The following ORC2 variants were observed in gnomAD, a reference collection of about 807,000 sequenced individuals.
The protein encoded by ORC2 is origin recognition complex protein 2 homolog.
In ORC2, 37 loss-of-function variants were observed where a neutral mutation model predicts 77.7. The ratio of observed to expected loss-of-function variants is 0.48; its 90% CI spans 0.37 to 0.63. ORC2 has a LOEUF of 0.63. Ranked by LOEUF, ORC2 falls within the 20% of genes least tolerant of loss-of-function variation. The pLI is 0.00. For synonymous variants in ORC2, 201 were observed against 229.5 expected (o/e 0.88, Z 1.12); for missense variants, 557 against 661.9 (o/e 0.84, Z 1.74).
chr2:200,952,298 C>T (rs539297521), intron 4 of ORC2, among the ~76,000 whole-genome samples: 3 of 152,048 alleles, frequency 2.0e-5, no homozygotes, highest in African/African-American at 7.2e-5. Context: ...CTCACTCTGT[C>T]GCCCAGGCTG....
chr2:200,943,765 C>T (rs894064163), intron 5 of ORC2, among the ~76,000 whole-genome samples: 4 of 151,890 alleles, frequency 2.6e-5, no homozygotes, highest in Non-Finnish European at 5.9e-5. Context: ...GCTTCTTCTT[C>T]CTTAATCCCT....
intron 5 of ORC2, among the ~76,000 whole-genome samples, chr2:200,948,753 G>A (rs547691439): frequency 1.9e-4 from 29 of 151,860 alleles, no homozygotes; most frequent in Non-Finnish European, 3.7e-4. Context: ...TAGTAGAGAC[G>A]GGGTTTTACC....
chr2:200,915,385 A>G (rs916906117), intron 15 of ORC2, among the ~76,000 whole-genome samples: 2 of 152,158 alleles, frequency 1.3e-5, no homozygotes, highest in African/African-American at 4.8e-5. Context: ...CATGTACCAT[A>G]AACTTACCAT....
chr2:200,941,848 A>C (rs1289266924), intron 6 of ORC2, among the ~76,000 whole-genome samples: 7 of 152,220 alleles, frequency 4.6e-5, no homozygotes, highest in Admixed American at 3.3e-4. Flanking sequence ...TTAGCTGGGC[A>C]TGTTGGCAGG....
At chr2:200,962,948 C>A (rs1279904299) in intron 1 of ORC2, 1 of 152,504 alleles carries the variant, frequency 6.6e-6, no homozygotes, top group Non-Finnish European at 1.5e-5. Context: ...CCAAGGTGAC[C>A]GATCAGTTAG....
At chr2:200,927,906 T>C (rs16824550) in intron 11 of ORC2, among the ~76,000 whole-genome samples, 4,665 of 151,318 alleles carry the variant, frequency 0.031, 257 homozygotes, top group African/African-American at 0.11. Context: ...CATGTTGGTC[T>C]TGAACTCTTG....
At chr2:200,915,984 C>G (rs971056708) in intron 15 of ORC2, among the ~76,000 whole-genome samples, 1 of 152,122 alleles carries the variant, frequency 6.6e-6, no homozygotes, top group Non-Finnish European at 1.5e-5. Flanking sequence ...AGTGAGCCAC[C>G]GCATCCGGCC....
intron 15 of ORC2, among the ~76,000 whole-genome samples, chr2:200,917,902 TA>T (rs756570870): frequency 4.6e-3 from 655 of 143,798 alleles, no homozygotes; most frequent in Admixed American, 4.9e-3. Context: ...TAGGGGGGGT[TA>T]AAAAAAAAAA....
intron 1 of ORC2, chr2:200,963,149 G>T (rs544270838): frequency 1.4e-5 from 4 of 286,874 alleles, no homozygotes; most frequent in African/African-American, 4.3e-5. Context: ...AGTATCAGGC[G>T]TCCCTTGCAC....
intron 4 of ORC2, among the ~76,000 whole-genome samples, chr2:200,951,855 TGAGA>T (rs1194869993): frequency 6.6e-6 from 1 of 152,242 alleles, no homozygotes; most frequent in Non-Finnish European, 1.5e-5. Context: ...CTCACTTTCT[TGAGA>T]AACAATGAAT....
chr2:200,923,505 C>T (rs983832438), intron 13 of ORC2, among the ~76,000 whole-genome samples: 6 of 152,164 alleles, frequency 3.9e-5, no homozygotes, highest in African/African-American at 7.2e-5. Context: ...CTGCCTCGGC[C>T]TCCCAAAGTG....
chr2:200,932,050 AT>A (rs1382657821), intron 10 of ORC2, among the ~76,000 whole-genome samples: 1 of 152,170 alleles, frequency 6.6e-6, no homozygotes, highest in Non-Finnish European at 1.5e-5. Flanking sequence ...GTAAAATATT[AT>A]TTAAATACTG....
rs747191370 is a variant in ORC2 at position 200,935,808 on chromosome 2, T to C, written c.599A>G (p.Glu200Gly). The stretch of plus-strand genomic sequence containing the variant: ...GCTGAATATGACTGCATTAGTGTCC[T>C]CTTCATGTTCCTGTGCAACCCCTTC... Reference protein sequence around the residue: ...DDEGVAQEHEEDTNAVIFSQK... With the variant: ...DDEGVAQEHEGDTNAVIFSQK... Residue 200 changes from glutamate to glycine, a missense_variant, in exon 9 of 18, where the codon GAG becomes GGG. By Grantham distance (98) the Glu-to-Gly change is moderately conservative. Transcript: ENST00000234296. 3 of 1,614,020 alleles carry C rather than the reference T, an allele frequency of 1.9e-6. No homozygotes were observed. In the African/African-American group the frequency reaches 4.0e-5, roughly 22 times the overall value.
chr2:200,920,451 TAGATTCC>T, intron 14 of ORC2, 58 bp from the exon 15 acceptor site: 1 of 1,300,680 alleles, frequency 7.7e-7, no homozygotes, highest in African/African-American at 1.5e-5. Context: ...GTCATGTTAC[TAGATTCC>T]ACTTTACAAA....
chr2:200,920,271 G>T lies in ORC2; in HGVS notation c.1417C>A (p.Pro473Thr). 1 of 1,613,820 alleles carries T rather than the reference G, an allele frequency of 6.2e-7. No individual in the cohort carries two copies. The highest frequency in any genetic ancestry group is 8.5e-7 in the Non-Finnish European group (1 of 1,179,798). Residue 473 changes from proline to threonine, a missense_variant, in exon 15 of 18, where the codon CCA becomes ACA. By Grantham distance (38) the Pro-to-Thr change is conservative. Coordinates refer to ENST00000234296, the MANE Select transcript of ORC2 (RefSeq NM_006190.5). ...AAGACATGAGTAAGGGAGCTAAGTG[G>T]CAGGGATCCAGACTGCTTTACCAGA... ...SLLVKQSGSL[P>T]LSSLTHVLRS...
intron 5 of ORC2, chr2:200,943,010 C>G (rs186646112): frequency 1.9e-4 from 58 of 306,792 alleles, no homozygotes; most frequent in Non-Finnish European, 2.9e-4. Context: ...ATACAAATAA[C>G]TAACTTTGAC....
intron 5 of ORC2, among the ~76,000 whole-genome samples, chr2:200,949,299 A>G (rs890882715): frequency 2.6e-5 from 4 of 152,068 alleles, no homozygotes; most frequent in Non-Finnish European, 5.9e-5. Context: ...AGAAAAACAA[A>G]GACTGTGCAC....
chr2:200,911,165 TC>T lies in ORC2; in HGVS notation c.*135del, dbSNP rs974256178. Reference sequence around the variant, plus strand: ...GATCAAAAAGTTCTAATTGAGGACATCCCCCCCTTCCCAAATTTAAATCTTG... The same window carrying T: ...GATCAAAAAGTTCTAATTGAGGACATCCCCCCTTCCCAAATTTAAATCTTG... On this transcript the variant is annotated 3_prime_UTR_variant, in exon 18 of 18. Transcript: ENST00000234296. The T allele has an allele frequency of 4.2e-5, 26 of 620,972 alleles. No homozygotes were observed. The highest frequency in any genetic ancestry group is 7.4e-5 in the African/African-American group (4 of 53,996). 38.5% of individuals were successfully genotyped at this position (620,972 alleles called of 1,614,324 possible). A position where few individuals can be genotyped will look rare whatever the true frequency, so the allele number is the denominator to read the frequency against.
chr2:200,927,420 T>G (rs746022890), intron 11 of ORC2, among the ~76,000 whole-genome samples: 3 of 149,732 alleles, frequency 2.0e-5, no homozygotes, highest in Non-Finnish European at 4.4e-5. Flanking sequence ...TTAGGTCAGG[T>G]GCGGTGGCTC....
Sources: allele counts gnomAD v4.1 joint callset (sites outside exome capture counted in the v4.1 genomes callset), GRCh38; gene constraint gnomAD v4.1.1; transcripts MANE v1.5; gene names NCBI Gene and HGNC (gene_info 2026-07-23, HGNC 2026-07-21).